Variants in JAKMIP1 observed in about 807,000 individuals in gnomAD.
JAKMIP1 encodes janus kinase and microtubule-interacting protein 1.
Under a neutral mutation model 113.0 loss-of-function variants are expected in JAKMIP1, and 33 were observed. That is an observed-to-expected ratio of 0.29 (90% CI 0.22 to 0.39). The LOEUF is 0.39. Among genes scored for constraint, JAKMIP1 ranks in the 10% least tolerant of loss-of-function variants. The pLI is 1.00. For missense variants in JAKMIP1, 813 were observed against 1,080.5 expected (o/e 0.75, Z 3.47); for synonymous variants, 480 against 459.9 (o/e 1.04, Z -0.56).
At chr4:6,101,322 C>T (rs1712991104) in intron 3 of JAKMIP1, among the ~76,000 whole-genome samples, 1 of 151,680 alleles carries the variant, frequency 6.6e-6, no homozygotes, top group Non-Finnish European at 1.5e-5. Context: ...GCTGACCAGT[C>T]CAATATTGTC....
rs1379164790 is a variant in JAKMIP1, at chr4:6,093,020, T to A, written c.625-7391A>T. On this transcript the variant is annotated intron_variant, in intron 3 of 20. Transcript: ENST00000409021. The surrounding 1 kb of genome is among the most constrained non-coding windows in gnomAD (Gnocchi z 4.6). ...TTACTGGGAATCCAAGTATCACATA[T>A]CATCATGGCTATTTTAGAGATATGG... Among the ~76,000 whole-genome samples, 2 of 152,242 alleles carry A rather than the reference T, an allele frequency of 1.3e-5. No homozygotes were observed. The highest frequency in any genetic ancestry group is 3.8e-4 in the East Asian group (2 of 5,198).
chr4:6,045,245 G>A (rs113447659), intron 16 of JAKMIP1, among the ~76,000 whole-genome samples: 1 of 152,228 alleles, frequency 6.6e-6, no homozygotes, highest in Non-Finnish European at 1.5e-5. Flanking sequence ...CCTGGCTGAG[G>A]CCGGTGTCTT....
At chr4:6,035,469 G>A (rs1337420785) in intron 19 of JAKMIP1, among the ~76,000 whole-genome samples, 2 of 152,028 alleles carry the variant, frequency 1.3e-5, no homozygotes, top group African/African-American at 4.8e-5. Context: ...AAACTCACAC[G>A]CAACATCGAA....
At chr4:6,177,298 G>T (rs1292141374) in intron 1 of JAKMIP1, among the ~76,000 whole-genome samples, 3 of 152,180 alleles carry the variant, frequency 2.0e-5, no homozygotes, top group Admixed American at 6.5e-5. Context: ...ATGGGATGTG[G>T]AGTCCAGGGA....
chr4:6,072,115 G>A (rs1719039082), intron 8 of JAKMIP1, among the ~76,000 whole-genome samples: 1 of 152,168 alleles, frequency 6.6e-6, no homozygotes, highest in Non-Finnish European at 1.5e-5. Flanking sequence ...GTAAAGTGTT[G>A]ATTTACTGAG....
chr4:6,125,877 T>A (rs111216282), intron 1 of JAKMIP1, among the ~76,000 whole-genome samples: 20,588 of 22,920 alleles, frequency 0.9, 9,727 homozygotes, highest in Non-Finnish European at 0.95. Context: ...CGCCATACAC[T>A]CCATACACAC....
chr4:6,091,429 C>G (rs778054857), intron 3 of JAKMIP1, among the ~76,000 whole-genome samples: 12 of 152,194 alleles, frequency 7.9e-5, no homozygotes, highest in Non-Finnish European at 1.5e-4. Context: ...TTACAAGTAT[C>G]CTATTACAGA....
intron 5 of JAKMIP1, among the ~76,000 whole-genome samples, chr4:6,082,737 A>C (rs543420616): frequency 2.0e-5 from 3 of 152,294 alleles, no homozygotes; most frequent in South Asian, 4.1e-4. Context: ...CCTGAGCTCA[A>C]GGAATCTTCC....
intron 1 of JAKMIP1, among the ~76,000 whole-genome samples, chr4:6,147,192 C>T (rs2108974111): frequency 6.6e-6 from 1 of 152,082 alleles, no homozygotes; most frequent in South Asian, 2.1e-4. Context: ...AAACTCTTAA[C>T]CTCAAGTGAT....
chr4:6,171,417 TCAC>T (rs1404598474), intron 1 of JAKMIP1, among the ~76,000 whole-genome samples: 1 of 145,418 alleles, frequency 6.9e-6, no homozygotes, highest in Non-Finnish European at 1.5e-5. Flanking sequence ...ACCACCATCA[TCAC>T]CACTACCACC....
At chr4:6,166,833 C>G (rs4689353) in intron 1 of JAKMIP1, among the ~76,000 whole-genome samples, 104,765 of 151,980 alleles carry the variant, frequency 0.69, 36,303 homozygotes, top group East Asian at 0.78. Flanking sequence ...CTCACCAGCT[C>G]TGTGGTCTTG....
intron 1 of JAKMIP1, among the ~76,000 whole-genome samples, chr4:6,120,702 G>C (rs1004857973): frequency 6.6e-6 from 1 of 152,216 alleles, no homozygotes; most frequent in Non-Finnish European, 1.5e-5. Context: ...TGAAAGAGAT[G>C]ATACTGGGTT....
At chr4:6,113,982 C>T (rs1437307060) in intron 1 of JAKMIP1, among the ~76,000 whole-genome samples, 1 of 152,204 alleles carries the variant, frequency 6.6e-6, no homozygotes, top group African/African-American at 2.4e-5. Flanking sequence ...CCATCATGTG[C>T]CAGGGCCTGT....
rs1350437593 is a variant in JAKMIP1, at chr4:6,140,739, A to G, written c.-147-27742T>C. ...GACAAAGTATCCCAGATAACTTGGT[A>G]GAATAATATTTCTCTCGTCTGGTGT... On this transcript the variant is annotated intron_variant, in intron 1 of 20. Coordinates refer to ENST00000409021, the MANE Select transcript of JAKMIP1 (RefSeq NM_001099433.2). This position sits in a 1 kb window ranked among gnomAD's most constrained non-coding sequence, Gnocchi z 9.4. Among the ~76,000 whole-genome samples, 8 of 152,178 alleles carry G rather than the reference A, an allele frequency of 5.3e-5. No individual in the cohort carries two copies. Among genetic ancestry groups the G allele is most frequent in the Non-Finnish European group, 2.9e-5 (2 of 68,042 alleles).
chr4:6,175,960 G>C (rs1725297700), intron 1 of JAKMIP1, among the ~76,000 whole-genome samples: 1 of 152,200 alleles, frequency 6.6e-6, no homozygotes, highest in Admixed American at 6.5e-5. Context: ...GCTGTAAATT[G>C]AGAATCTTTA....
intron 16 of JAKMIP1, among the ~76,000 whole-genome samples, chr4:6,043,372 C>T (rs778043026): frequency 3.1e-4 from 47 of 152,124 alleles, no homozygotes; most frequent in Non-Finnish European, 5.9e-4. Flanking sequence ...AGCTGGTCAC[C>T]CTCGCCAGGT....
At chr4:6,066,553 AC>A (rs978632934) in intron 8 of JAKMIP1, among the ~76,000 whole-genome samples, 6 of 151,976 alleles carry the variant, frequency 3.9e-5, no homozygotes, top group African/African-American at 1.2e-4. Flanking sequence ...GCAGTGACTT[AC>A]CCCCAACACC....
At chr4:6,068,328 A>G (rs906740496) in intron 8 of JAKMIP1, among the ~76,000 whole-genome samples, 1 of 152,176 alleles carries the variant, frequency 6.6e-6, no homozygotes, top group African/African-American at 2.4e-5. Context: ...GTATCATATC[A>G]TATGGCCCCA....
chr4:6,115,961 C>T (rs976735097), intron 1 of JAKMIP1, among the ~76,000 whole-genome samples: 1 of 152,120 alleles, frequency 6.6e-6, no homozygotes, highest in Non-Finnish European at 1.5e-5. Context: ...TGCACCCTAC[C>T]CCGTGCCCAG....
Sources: allele counts gnomAD v4.1 joint callset (sites outside exome capture counted in the v4.1 genomes callset), GRCh38; gene constraint gnomAD v4.1.1; non-coding constraint Gnocchi (gnomAD v3.1); transcripts MANE v1.5; gene names NCBI Gene and HGNC (gene_info 2026-07-23, HGNC 2026-07-21).